CNBD1: variants seen among roughly 807,000 people sequenced by gnomAD.
CNBD1 encodes the protein cyclic nucleotide-binding domain-containing protein 1.
Under a neutral mutation model 54.4 loss-of-function variants are expected in CNBD1, and 71 were observed. The observed-to-expected ratio is 1.30, with a 90% CI of 1.08 to 1.59. CNBD1 has a LOEUF of 1.59. Among genes scored for constraint, CNBD1 ranks in the 40% most tolerant of loss-of-function variants. The pLI, the probability that CNBD1 is intolerant of heterozygous loss-of-function variation, is 0.00. For synonymous variants in CNBD1, 182 were observed against 170.7 expected (o/e 1.07, Z -0.51); for missense variants, 659 against 518.0 (o/e 1.27, Z -2.64).
intron 2 of CNBD1, among the ~76,000 whole-genome samples, chr8:87,395,115 A>G (rs1257290467): frequency 6.6e-6 from 1 of 151,946 alleles, no homozygotes; most frequent in Non-Finnish European, 1.5e-5. Context: ...CTAGGCAAAT[A>G]TGACTATAGA....
intron 10 of CNBD1, among the ~76,000 whole-genome samples, chr8:87,361,457 AGAT>A (rs1281243559): frequency 1.3e-5 from 2 of 151,852 alleles, no homozygotes; most frequent in Non-Finnish European, 2.9e-5. Context: ...GGCTATGTGA[AGAT>A]GATATAGCTT....
At chr8:87,362,684 A>C (rs1810547703) in intron 10 of CNBD1, among the ~76,000 whole-genome samples, 1 of 152,082 alleles carries the variant, frequency 6.6e-6, no homozygotes, top group Non-Finnish European at 1.5e-5. Flanking sequence ...GGAATCTTTA[A>C]GGACTCAGAA....
At chr8:87,153,489 T>C (rs758956811) in intron 4 of CNBD1, among the ~76,000 whole-genome samples, 3 of 151,942 alleles carry the variant, frequency 2.0e-5, no homozygotes, top group Non-Finnish European at 4.4e-5. Flanking sequence ...GCATGCAGAG[T>C]AACAAATCGT....
At chr8:87,065,654 A>G (rs1488815345) in intron 4 of CNBD1, among the ~76,000 whole-genome samples, 2 of 152,106 alleles carry the variant, frequency 1.3e-5, no homozygotes, top group Non-Finnish European at 2.9e-5. Context: ...TGACAGATTT[A>G]TAAGGGGAAG....
intron 4 of CNBD1, among the ~76,000 whole-genome samples, chr8:86,996,459 A>G (rs1808872042): frequency 6.6e-6 from 1 of 152,222 alleles, no homozygotes; most frequent in South Asian, 2.1e-4. Context: ...AACCTGATCA[A>G]TGTTTTCATT....
chr8:87,065,416 A>G (rs1163917566), intron 4 of CNBD1, among the ~76,000 whole-genome samples: 1 of 151,974 alleles, frequency 6.6e-6, no homozygotes, highest in African/African-American at 2.4e-5. Flanking sequence ...CTTCTGATGG[A>G]CTTCAAATAG....
At chr8:87,151,596 G>T (rs1469678909) in intron 4 of CNBD1, among the ~76,000 whole-genome samples, 10 of 152,094 alleles carry the variant, frequency 6.6e-5, no homozygotes, top group Non-Finnish European at 1.5e-4. Flanking sequence ...CATATTCTCT[G>T]GGCAATTGCT....
At chr8:87,053,112 C>T (rs910117659) in intron 4 of CNBD1, among the ~76,000 whole-genome samples, 3 of 152,122 alleles carry the variant, frequency 2.0e-5, no homozygotes. Context: ...GGGGAATCAT[C>T]CACTATGTGC....
intron 2 of CNBD1, among the ~76,000 whole-genome samples, chr8:87,389,894 A>G (rs920271650): frequency 3.3e-5 from 5 of 152,218 alleles, no homozygotes; most frequent in Non-Finnish European, 7.3e-5. Flanking sequence ...TGGTACCTAA[A>G]CAGAGATATA....
intron 6 of CNBD1, among the ~76,000 whole-genome samples, chr8:87,259,513 AC>A (rs796360066): frequency 1.3e-5 from 2 of 152,348 alleles, no homozygotes; most frequent in Admixed American, 6.5e-5. Flanking sequence ...TAAAGTTACA[AC>A]TAAAAGACAT....
chr8:86,924,964 G>A (rs1809333997), intron 3 of CNBD1, among the ~76,000 whole-genome samples: 1 of 152,066 alleles, frequency 6.6e-6, no homozygotes, highest in Admixed American at 6.6e-5. Flanking sequence ...TGCATTTTTG[G>A]AAATGTAAAG....
At chr8:87,334,668 G>A (rs1328969701) in intron 8 of CNBD1, among the ~76,000 whole-genome samples, 1 of 150,006 alleles carries the variant, frequency 6.7e-6, no homozygotes, top group Non-Finnish European at 1.5e-5. Flanking sequence ...CAATTTCTAT[G>A]TAGTTGTGTG....
intron 4 of CNBD1, among the ~76,000 whole-genome samples, chr8:87,094,725 G>A (rs1184142528): frequency 1.3e-5 from 2 of 152,064 alleles, no homozygotes; most frequent in African/African-American, 2.4e-5. Flanking sequence ...GCCCAGTGGT[G>A]TTTCTGTTAA....
In CNBD1 at chr8:87,420,139, A is replaced by G. The variant is rs568012944; in HGVS notation, c.214-8407A>G. Among the ~76,000 whole-genome samples the G allele has an allele frequency of 1.8e-4, 28 of 152,082 alleles. No homozygotes were observed. The South Asian group carries it at 5.8e-3, about 32-fold the overall frequency. On this transcript the variant is annotated intron_variant, in intron 2 of 7. Coordinates refer to the CNBD1 transcript ENST00000521593. The stretch of plus-strand genomic sequence containing the variant: ...AATAAAAGATAGACATCATTTGATC[A>G]TCACTTTTCAGACTCTTAGTTTTAA...
intron 4 of CNBD1, among the ~76,000 whole-genome samples, chr8:87,030,162 C>G (rs1214387428): frequency 6.6e-6 from 1 of 151,982 alleles, no homozygotes; most frequent in African/African-American, 2.4e-5. Flanking sequence ...TTTAAAGCAG[C>G]TTGGTAACTT....
At chr8:87,262,839 G>C (rs935263567) in intron 6 of CNBD1, among the ~76,000 whole-genome samples, 8 of 152,120 alleles carry the variant, frequency 5.3e-5, no homozygotes, top group Non-Finnish European at 5.9e-5. Context: ...CACTTTTATA[G>C]ACAGTTTTAA....
chr8:87,265,797 G>A (rs912824733), intron 6 of CNBD1, among the ~76,000 whole-genome samples: 3 of 152,054 alleles, frequency 2.0e-5, no homozygotes, highest in Non-Finnish European at 2.9e-5. Flanking sequence ...CTGAAAATAT[G>A]TACTATATTG....
intron 6 of CNBD1, among the ~76,000 whole-genome samples, chr8:87,241,519 G>A (rs1023243094): frequency 3.3e-5 from 5 of 151,894 alleles, no homozygotes; most frequent in African/African-American, 4.8e-5. Context: ...TGATCCACCC[G>A]CCTCGGCCTC....
intron 6 of CNBD1, among the ~76,000 whole-genome samples, chr8:87,243,492 C>G (rs1017383255): frequency 1.3e-5 from 2 of 152,082 alleles, no homozygotes; most frequent in African/African-American, 2.4e-5. Flanking sequence ...TACGCCATTC[C>G]CTGCGGTCAG....
Sources: allele counts gnomAD v4.1 joint callset (sites outside exome capture counted in the v4.1 genomes callset), GRCh38; gene constraint gnomAD v4.1.1; transcripts MANE v1.5; gene names NCBI Gene and HGNC (gene_info 2026-07-23, HGNC 2026-07-21).